The following SLC39A11 variants were observed in gnomAD, a reference collection of about 807,000 sequenced individuals.
The protein encoded by SLC39A11 is zinc transporter ZIP11.
Under a neutral mutation model 36.1 loss-of-function variants are expected in SLC39A11, and 33 were observed. That is an observed-to-expected ratio of 0.91 (90% CI 0.69 to 1.22). The LOEUF is 1.22. Among genes scored for constraint, SLC39A11 ranks in the 50% most tolerant of loss-of-function variants. The probability of loss-of-function intolerance (pLI) is 0.00; values close to 1 mark genes in which losing one functional copy is unlikely to be tolerated. For missense variants in SLC39A11, 432 were observed against 430.3 expected, an observed-to-expected ratio of 1.00 and a Z score of -0.03; for synonymous variants, 166 against 170.3, an observed-to-expected ratio of 0.97 and a Z score of 0.20.
At chr17:73,046,528 A>C (rs2059297812) in intron 3 of SLC39A11, among the ~76,000 whole-genome samples, 1 of 152,180 alleles carries the variant, frequency 6.6e-6, no homozygotes, top group Admixed American at 6.5e-5. Flanking sequence ...ATTTCAGATA[A>C]AGAATAAATA....
chr17:72,655,821 G>C (rs2070088436), intron 7 of SLC39A11, among the ~76,000 whole-genome samples: 1 of 152,162 alleles, frequency 6.6e-6, no homozygotes, highest in Non-Finnish European at 1.5e-5. Context: ...AGAATATTGA[G>C]GACCCCGTGG....
At chr17:73,045,618 G>C (rs1212902531) in intron 3 of SLC39A11, among the ~76,000 whole-genome samples, 4 of 152,022 alleles carry the variant, frequency 2.6e-5, no homozygotes, top group African/African-American at 9.7e-5. Context: ...TTTTGTTTGA[G>C]TTCAATGTTC....
chr17:72,885,797 C>T (rs2081411923), intron 5 of SLC39A11, among the ~76,000 whole-genome samples: 1 of 152,144 alleles, frequency 6.6e-6, no homozygotes, highest in Non-Finnish European at 1.5e-5. Context: ...CTAGCAAATA[C>T]CTACACATAT....
At chr17:73,026,566 A>G (rs964580275) in intron 4 of SLC39A11, among the ~76,000 whole-genome samples, 11 of 151,694 alleles carry the variant, frequency 7.3e-5, no homozygotes, top group Non-Finnish European at 1.5e-4. Context: ...AGACAAAAGA[A>G]AAGAAGAGAA....
chr17:72,708,261 G>A (rs1338111858), intron 7 of SLC39A11, among the ~76,000 whole-genome samples: 1 of 152,196 alleles, frequency 6.6e-6, no homozygotes, highest in Non-Finnish European at 1.5e-5. Flanking sequence ...AGGCCAGACT[G>A]CCCTCCTGAA....
chr17:73,086,167 T>G (rs964185903), intron 2 of SLC39A11, among the ~76,000 whole-genome samples: 38 of 152,168 alleles, frequency 2.5e-4, no homozygotes, highest in Non-Finnish European at 1.3e-4. Flanking sequence ...TGGAAGGGGC[T>G]GTGAGGTGAG....
intron 7 of SLC39A11, among the ~76,000 whole-genome samples, chr17:72,677,045 T>G (rs1028692831): frequency 6.6e-6 from 1 of 152,226 alleles, no homozygotes; most frequent in Non-Finnish European, 1.5e-5. Context: ...GACTATGTGC[T>G]GAGTCTTGTG....
intron 6 of SLC39A11, among the ~76,000 whole-genome samples, chr17:72,844,062 G>A (rs1005428788): frequency 6.6e-6 from 1 of 152,110 alleles, no homozygotes; most frequent in Non-Finnish European, 1.5e-5. Context: ...TTTAGTCATT[G>A]TGAAAAGTCT....
At chr17:72,881,265 G>A (rs1426257914) in intron 5 of SLC39A11, among the ~76,000 whole-genome samples, 2 of 152,108 alleles carry the variant, frequency 1.3e-5, no homozygotes, top group Non-Finnish European at 2.9e-5. Context: ...CAAAATGTCT[G>A]TTCTGCAAGT....
chr17:72,812,376 A>G (rs550267266), intron 6 of SLC39A11, among the ~76,000 whole-genome samples: 3 of 152,246 alleles, frequency 2.0e-5, no homozygotes, highest in Non-Finnish European at 4.4e-5. Context: ...ATAAAAATTA[A>G]GGTACATTTG....
At chr17:72,885,722 C>G (rs149333264) in intron 5 of SLC39A11, among the ~76,000 whole-genome samples, 3 of 152,262 alleles carry the variant, frequency 2.0e-5, no homozygotes, top group Non-Finnish European at 4.4e-5. Context: ...CCTTTTTACT[C>G]CAACCTCCCA....
intron 4 of SLC39A11, among the ~76,000 whole-genome samples, chr17:72,965,040 C>A (rs2466507): frequency 6.6e-6 from 1 of 151,394 alleles, no homozygotes; most frequent in African/African-American, 2.4e-5. Context: ...CTCATAGGTG[C>A]GAATTGAACA....
At chr17:72,974,734 T>C (rs1387028511) in intron 4 of SLC39A11, among the ~76,000 whole-genome samples, 2 of 152,222 alleles carry the variant, frequency 1.3e-5, no homozygotes, top group Middle Eastern at 3.2e-3. Flanking sequence ...GGCCTTCACA[T>C]TCACTCACCA....
At chr17:72,829,652 A>T (rs554874304) in intron 6 of SLC39A11, among the ~76,000 whole-genome samples, 1 of 152,326 alleles carries the variant, frequency 6.6e-6, no homozygotes, top group African/African-American at 2.4e-5. Flanking sequence ...GATTCCGGAC[A>T]GATCCGGGTC....
chr17:73,037,197 C>T (rs1274666107), intron 3 of SLC39A11, among the ~76,000 whole-genome samples: 2 of 152,168 alleles, frequency 1.3e-5, no homozygotes, highest in African/African-American at 4.8e-5. Context: ...CACCCGTGTG[C>T]AGGTATTGGT....
At chr17:72,753,912 A>AC (rs56142027) in intron 6 of SLC39A11, among the ~76,000 whole-genome samples, 3 of 143,588 alleles carry the variant, frequency 2.1e-5, no homozygotes, top group South Asian at 4.4e-4. Context: ...AAAAAAAAAA[A>AC]CCTGCACACA....
intron 7 of SLC39A11, among the ~76,000 whole-genome samples, chr17:72,728,143 C>T (rs968657231): frequency 2.0e-5 from 3 of 152,036 alleles, no homozygotes; most frequent in Admixed American, 6.6e-5. Flanking sequence ...AGGGGTCTAA[C>T]GCTTTCTGAA....
At chr17:72,814,747 G>GT (rs1191449428) in intron 6 of SLC39A11, among the ~76,000 whole-genome samples, 1 of 152,172 alleles carries the variant, frequency 6.6e-6, no homozygotes, top group African/African-American at 2.4e-5. Flanking sequence ...GGGGCTGGGG[G>GT]GACCCCAAGA....
chr17:72,877,595 A>G lies in SLC39A11; in HGVS notation c.431-27791T>C, dbSNP rs77595248. ...GTAATCAAGGTGGAAGAAAAATCTG[A>G]AGCTAGGAGAGACAGAGAAATTGCA... is the stretch of plus-strand genomic sequence containing the variant. On this transcript the variant is annotated intron_variant, in intron 5 of 9. Transcript: ENST00000255559. Among the ~76,000 whole-genome samples the G allele has an allele frequency of 8.0e-3, 1,224 of 152,198 alleles. 11 individuals are homozygous for G. The highest frequency in any genetic ancestry group is 0.028 in the African/African-American group (1,154 of 41,526).
Sources: allele counts gnomAD v4.1 joint callset (sites outside exome capture counted in the v4.1 genomes callset), GRCh38; gene constraint gnomAD v4.1.1; transcripts MANE v1.5; gene names NCBI Gene and HGNC (gene_info 2026-07-23, HGNC 2026-07-21).